Variants in TRPC5 observed in about 807,000 individuals in gnomAD.
The protein encoded by TRPC5 is short transient receptor potential channel 5.
Under a neutral mutation model 56.5 loss-of-function variants are expected in TRPC5, and 9 were observed. The observed-to-expected ratio is 0.16, with a 90% CI of 0.10 to 0.28. TRPC5 has a LOEUF of 0.28. TRPC5 is among the 10% of genes least tolerant of loss of function. TRPC5 has a pLI of 1.00. For synonymous variants in TRPC5, 282 were observed against 278.5 expected (o/e 1.01, Z -0.13); for missense variants, 469 against 748.9 (o/e 0.63, Z 4.36).
At chrX:111,951,925 C>T (rs1411805873) in intron 2 of TRPC5, 118 bp downstream of exon 2, 5 of 1,049,024 alleles carry the variant, frequency 4.8e-6, no homozygotes, top group Non-Finnish European at 6.4e-6. Context: ...ATCACTGGTG[C>T]AATTTCTGAG....
In TRPC5 at chrX:111,898,252, TA is replaced by T. The variant is rs1189379054; in HGVS notation, c.900+14038del. Among the ~76,000 whole-genome samples, 311 of 47,087 alleles carry T rather than the reference TA, an allele frequency of 6.6e-3. 2 individuals are homozygous for T. In the African/African-American group the frequency reaches 0.12, roughly 18 times the overall value. 40.9% of individuals were successfully genotyped at this position (47,087 alleles called of 115,157 possible). ...TTTATTATTGAGTTGTAGGGGTTCT[TA>T]TATATATATATATATATATATATAG... On this transcript the variant is annotated intron_variant, in intron 3 of 10. Transcript: ENST00000262839.
intron 6 of TRPC5, among the ~76,000 whole-genome samples, chrX:111,840,927 T>C (rs1922711536): frequency 8.9e-6 from 1 of 112,088 alleles, no homozygotes; most frequent in African/African-American, 3.2e-5. Flanking sequence ...GAAGAAATGT[T>C]TATTGAAGGA....
At position 111,912,386 on chromosome X, in the gene TRPC5, G is replaced by A; in HGVS notation, c.805C>T (p.Leu269Phe). The change falls in exon 3 of 11, where the codon CTC (leucine) becomes TTC (phenylalanine). Residue 269 changes from leucine to phenylalanine, a missense_variant. Coordinates refer to ENST00000262839, the MANE Select transcript of TRPC5 (RefSeq NM_012471.3). Reference protein sequence around the residue: ...ARSSRELEIILNHRDDHSEEL... With the variant: ...ARSSRELEIIFNHRDDHSEEL... Reference sequence around the variant, plus strand: ...TCACTGTGGTCATCTCGATGGTTGAGGATGATCTCCAGTTCCCTGGAGCTC... The same window carrying A: ...TCACTGTGGTCATCTCGATGGTTGAAGATGATCTCCAGTTCCCTGGAGCTC... 8.3e-7 allele frequency: 1 copy of A among 1,211,523 alleles called. No homozygotes were observed. The highest frequency in any genetic ancestry group is 1.1e-6 in the Non-Finnish European group (1 of 895,492).
At chrX:111,931,425 G>A (rs1926411123) in intron 2 of TRPC5, among the ~76,000 whole-genome samples, 1 of 112,276 alleles carries the variant, frequency 8.9e-6, no homozygotes, top group Non-Finnish European at 1.9e-5. Context: ...CTTATATTTG[G>A]AGTTAAGAAA....
chrX:111,939,911 T>C (rs1926719277), intron 2 of TRPC5, among the ~76,000 whole-genome samples: 1 of 111,899 alleles, frequency 8.9e-6, no homozygotes, highest in Non-Finnish European at 1.9e-5. Flanking sequence ...TCTTTATTAT[T>C]TCTTCTACTA....
intron 7 of TRPC5, among the ~76,000 whole-genome samples, chrX:111,812,115 G>GT (rs59613500): frequency 6.6e-4 from 68 of 102,374 alleles, no homozygotes; most frequent in Middle Eastern, 4.9e-3. Flanking sequence ...AATGCCGGTG[G>GT]TTTTTTTTTT....
At chrX:111,995,698 C>T (rs1488149007) in intron 1 of TRPC5, among the ~76,000 whole-genome samples, 2 of 111,290 alleles carry the variant, frequency 1.8e-5, no homozygotes, top group Non-Finnish European at 3.8e-5. Flanking sequence ...TTCTGGGAAC[C>T]TGTATGTGTC....
chrX:112,055,166 G>A (rs753404533), intron 1 of TRPC5, among the ~76,000 whole-genome samples: 11 of 112,295 alleles, frequency 9.8e-5, no homozygotes, highest in Non-Finnish European at 1.7e-4. Context: ...AAATGAGCAA[G>A]TAGTTTGCAA....
At chrX:111,805,112 C>A (rs1264017402) in intron 7 of TRPC5, among the ~76,000 whole-genome samples, 1 of 111,445 alleles carries the variant, frequency 9.0e-6, no homozygotes, top group African/African-American at 3.3e-5. Flanking sequence ...GGTAATCATG[C>A]GATTTTTTGT....
intron 2 of TRPC5, among the ~76,000 whole-genome samples, chrX:111,917,726 C>A (rs1439064101): frequency 5.3e-5 from 6 of 112,357 alleles, no homozygotes; most frequent in Non-Finnish European, 9.4e-5. Flanking sequence ...TGTTTCCTCA[C>A]AAGTGGCTCC....
At chrX:111,805,681 G>T (rs748739440) in intron 7 of TRPC5, among the ~76,000 whole-genome samples, 1 of 111,093 alleles carries the variant, frequency 9.0e-6, no homozygotes, top group Non-Finnish European at 1.9e-5. Flanking sequence ...TATAGATATA[G>T]ATATATTTTT....
chrX:111,860,034 G>A (rs1364223084), intron 3 of TRPC5, among the ~76,000 whole-genome samples: 2 of 112,191 alleles, frequency 1.8e-5, no homozygotes, highest in African/African-American at 6.5e-5. Flanking sequence ...TCGGCCTCCC[G>A]AGTAGCTGGG....
rs753392065 is a variant in TRPC5 at position 111,866,120 on chromosome X, T to G, written c.901-12014A>C. Among the ~76,000 whole-genome samples, 6 of 113,630 alleles carry G rather than the reference T, an allele frequency of 5.3e-5. 1 individual carries two copies. In the South Asian group the frequency reaches 2.1e-3, roughly 40 times the overall value. ...GACCAAGCTTTCAAACACTGCACTCTCTGACAATCCATGGATGGTATGATC... is the reference window on the plus strand; with the variant it reads ...GACCAAGCTTTCAAACACTGCACTCGCTGACAATCCATGGATGGTATGATC... On this transcript the variant is annotated intron_variant, in intron 3 of 10. Transcript: ENST00000262839.
Position 111,981,269 on chromosome X carries a change from C to CA in TRPC5, c.-21-28829dup, listed in dbSNP as rs201705956. Among the ~76,000 whole-genome samples the CA allele has an allele frequency of 8.6e-3, 940 of 109,515 alleles. 7 individuals are homozygous for CA. Among genetic ancestry groups the CA allele is most frequent in the Middle Eastern group, 0.023 (5 of 213 alleles). ...TGATGTTTCAGTTCAAGTTCAAAGGCAAAAAAAAGACTGATGTCCCAGCTC... is the reference window on the plus strand; with the variant it reads ...TGATGTTTCAGTTCAAGTTCAAAGGCAAAAAAAAAGACTGATGTCCCAGCTC... On this transcript the variant is annotated intron_variant, in intron 1 of 10. Transcript: ENST00000262839.
chrX:112,065,775 G>A (rs1256159111), intron 1 of TRPC5, among the ~76,000 whole-genome samples: 2 of 110,744 alleles, frequency 1.8e-5, no homozygotes, highest in Non-Finnish European at 3.8e-5. Flanking sequence ...TAAGGCTGAG[G>A]CACAAGAATT....
intron 10 of TRPC5, among the ~76,000 whole-genome samples, chrX:111,777,475 A>G (rs1391401829): frequency 9.1e-6 from 1 of 110,154 alleles, no homozygotes; most frequent in Non-Finnish European, 1.9e-5. Flanking sequence ...AATGTCTTCT[A>G]TCTCCAACTG....
intron 7 of TRPC5, among the ~76,000 whole-genome samples, chrX:111,803,533 T>G (rs1279629306): frequency 1.8e-5 from 2 of 112,042 alleles, no homozygotes; most frequent in Non-Finnish European, 3.8e-5. Context: ...TTCTGACTCT[T>G]TAATGATTCT....
intron 3 of TRPC5, among the ~76,000 whole-genome samples, chrX:111,856,829 A>G (rs1025928180): frequency 9.2e-6 from 1 of 108,210 alleles, no homozygotes; most frequent in African/African-American, 3.4e-5. Flanking sequence ...CAAAAAAAAA[A>G]AAAAAAACCA....
intron 1 of TRPC5, among the ~76,000 whole-genome samples, chrX:112,017,756 A>G (rs1359232747): frequency 1.8e-5 from 2 of 111,661 alleles, no homozygotes; most frequent in East Asian, 5.6e-4. Flanking sequence ...CTTTGGGCAC[A>G]TTCATCTTCT....
Sources: allele counts gnomAD v4.1 joint callset (sites outside exome capture counted in the v4.1 genomes callset), GRCh38; gene constraint gnomAD v4.1.1; transcripts MANE v1.5; gene names NCBI Gene and HGNC (gene_info 2026-07-23, HGNC 2026-07-21).